SH3GL2: variants seen among roughly 807,000 people sequenced by gnomAD.
SH3GL2 encodes endophilin-A1.
Under a neutral mutation model 46.0 loss-of-function variants are expected in SH3GL2, and 24 were observed. The ratio of observed to expected loss-of-function variants is 0.52; its 90% CI spans 0.38 to 0.73. The LOEUF is 0.73. Among genes scored for constraint, SH3GL2 ranks in the 30% least tolerant of loss-of-function variants. The probability of loss-of-function intolerance (pLI) is 0.00; values close to 1 mark genes in which losing one functional copy is unlikely to be tolerated. For synonymous variants in SH3GL2, 196 were observed against 147.1 expected (o/e 1.33, Z -2.40); for missense variants, 413 against 424.2 (o/e 0.97, Z 0.23).
At chr9:17,744,422 G>A (rs1223250988) in intron 1 of SH3GL2, among the ~76,000 whole-genome samples, 1 of 151,634 alleles carries the variant, frequency 6.6e-6, no homozygotes, top group Admixed American at 6.6e-5. Flanking sequence ...CTGGAGTGCA[G>A]TGGCACGATC....
intron 1 of SH3GL2, chr9:17,653,760 C>A: frequency 3.5e-6 from 1 of 285,036 alleles, no homozygotes; most frequent in Non-Finnish European, 5.3e-6. Context: ...TACATGGAAG[C>A]CTGAAGGGTG....
intron 1 of SH3GL2, among the ~76,000 whole-genome samples, chr9:17,662,768 G>C (rs1405950460): frequency 7.0e-6 from 1 of 142,154 alleles, no homozygotes; most frequent in Non-Finnish European, 1.5e-5. Context: ...GGAGTGCAGT[G>C]GCACGACCTC....
At chr9:17,594,201 C>T (rs1818532246) in intron 1 of SH3GL2, among the ~76,000 whole-genome samples, 1 of 152,130 alleles carries the variant, frequency 6.6e-6, no homozygotes, top group South Asian at 2.1e-4. Flanking sequence ...CAGTGATCTG[C>T]TTTCACTCTC....
At chr9:17,759,923 C>T (rs1364164161) in intron 2 of SH3GL2, among the ~76,000 whole-genome samples, 2 of 152,126 alleles carry the variant, frequency 1.3e-5, no homozygotes, top group Non-Finnish European at 2.9e-5. Flanking sequence ...ACACATGTAC[C>T]ATGGAGTTTC....
At chr9:17,709,614 C>T (rs537582453) in intron 1 of SH3GL2, among the ~76,000 whole-genome samples, 157 of 150,380 alleles carry the variant, frequency 1.0e-3, no homozygotes, top group Non-Finnish European at 1.5e-3. Flanking sequence ...ATAAAGAAAA[C>T]GTTTCTCATT....
At chr9:17,731,970 C>G (rs1313159118) in intron 1 of SH3GL2, among the ~76,000 whole-genome samples, 1 of 152,102 alleles carries the variant, frequency 6.6e-6, no homozygotes, top group Non-Finnish European at 1.5e-5. Flanking sequence ...AGAAGGTAGT[C>G]AGGTTCTGAC....
chr9:17,664,276 C>T (rs1820292020), intron 1 of SH3GL2, among the ~76,000 whole-genome samples: 1 of 152,084 alleles, frequency 6.6e-6, no homozygotes, highest in Non-Finnish European at 1.5e-5. Context: ...AAGCAAGCTT[C>T]CTTTTATTAT....
At chr9:17,737,274 C>T (rs954238519) in intron 1 of SH3GL2, among the ~76,000 whole-genome samples, 1 of 151,938 alleles carries the variant, frequency 6.6e-6, no homozygotes, top group Admixed American at 6.6e-5. Flanking sequence ...ATGGGTGCAG[C>T]AAACCACCAT....
chr9:17,728,826 T>C (rs1436901916), intron 1 of SH3GL2, among the ~76,000 whole-genome samples: 1 of 152,192 alleles, frequency 6.6e-6, no homozygotes, highest in African/African-American at 2.4e-5. Flanking sequence ...TATGGCTGCA[T>C]AGTATTCCAT....
chr9:17,788,478 T>C (rs912816539), intron 5 of SH3GL2, among the ~76,000 whole-genome samples: 1 of 152,146 alleles, frequency 6.6e-6, no homozygotes, highest in African/African-American at 2.4e-5. Flanking sequence ...TCATTTCCTT[T>C]CATTCTGCTC....
intron 1 of SH3GL2, among the ~76,000 whole-genome samples, chr9:17,733,651 T>C (rs10810843): frequency 0.31 from 46,013 of 149,496 alleles, 7,599 homozygotes; most frequent in East Asian, 0.6. Context: ...AATCATGCTG[T>C]TATAAAGACA....
At chr9:17,598,109 GGA>G (rs1394401425) in intron 1 of SH3GL2, among the ~76,000 whole-genome samples, 2 of 152,302 alleles carry the variant, frequency 1.3e-5, no homozygotes, top group Non-Finnish European at 2.9e-5. Context: ...ATTCTGTTGT[GGA>G]GAGAGGCCAT....
chr9:17,720,329 A>G (rs1821862978), intron 1 of SH3GL2, among the ~76,000 whole-genome samples: 1 of 152,188 alleles, frequency 6.6e-6, no homozygotes, highest in Admixed American at 6.6e-5. Context: ...ATTAAATTTA[A>G]CAGAGTTCGA....
intron 6 of SH3GL2, among the ~76,000 whole-genome samples, chr9:17,790,565 T>G (rs904550682): frequency 2.0e-5 from 3 of 152,168 alleles, no homozygotes; most frequent in Admixed American, 2.0e-4. Context: ...GCTCCTTCCC[T>G]GCAACACAGC....
intron 1 of SH3GL2, among the ~76,000 whole-genome samples, chr9:17,630,036 A>C (rs1819383872): frequency 6.6e-6 from 1 of 152,178 alleles, no homozygotes. Context: ...CAGACATAAA[A>C]AGCCTCATGT....
chr9:17,649,137 G>C (rs1463752835), intron 1 of SH3GL2, among the ~76,000 whole-genome samples: 2 of 152,160 alleles, frequency 1.3e-5, no homozygotes, highest in Non-Finnish European at 2.9e-5. Flanking sequence ...GTCTTACCCT[G>C]TCACCCACAG....
chr9:17,729,078 C>T (rs539523714), intron 1 of SH3GL2, among the ~76,000 whole-genome samples: 5 of 152,246 alleles, frequency 3.3e-5, no homozygotes, highest in Admixed American at 1.3e-4. Flanking sequence ...ATTTATACTC[C>T]AACTAACAGT....
intron 1 of SH3GL2, among the ~76,000 whole-genome samples, chr9:17,581,493 G>C (rs1018239856): frequency 1.3e-5 from 2 of 152,188 alleles, no homozygotes; most frequent in African/African-American, 4.8e-5. Flanking sequence ...CTGTGCATAT[G>C]TATATTTAGG....
At chr9:17,615,703 G>T (rs1588175146) in intron 1 of SH3GL2, among the ~76,000 whole-genome samples, 3 of 139,252 alleles carry the variant, frequency 2.2e-5, no homozygotes, top group Admixed American at 7.1e-5. Context: ...GTTAATATGT[G>T]TTTATTGTTA....
Sources: gnomAD v4.1 joint callset for allele counts (sites outside exome capture counted in the v4.1 genomes callset) on GRCh38, gnomAD v4.1.1 for gene constraint, MANE v1.5 for transcripts, NCBI Gene and HGNC (gene_info 2026-07-23, HGNC 2026-07-21) for gene names.